The following PAPOLA variants were observed in gnomAD, a reference collection of about 807,000 sequenced individuals.
PAPOLA encodes the protein poly(A) polymerase alpha, also known as polynucleotide adenylyltransferase alpha.
PAPOLA carries 15 observed loss-of-function variants against 100.6 expected under a neutral mutation model. The observed-to-expected ratio is 0.15, with a 90% CI of 0.10 to 0.23. PAPOLA has a LOEUF of 0.23. Among genes scored for constraint, PAPOLA ranks in the 10% least tolerant of loss-of-function variants. The pLI is 1.00. For synonymous variants in PAPOLA, 293 were observed against 300.0 expected (o/e 0.98, Z 0.24); for missense variants, 533 against 884.2 (o/e 0.60, Z 5.04).
intron 1 of PAPOLA, among the ~76,000 whole-genome samples, chr14:96,519,660 G>A (rs1011930605): frequency 6.6e-6 from 1 of 152,160 alleles, no homozygotes; most frequent in African/African-American, 2.4e-5. Context: ...TTCATTGTAA[G>A]CCAGATGCCA....
At chr14:96,559,227 A>G (rs1190816803) in intron 19 of PAPOLA, among the ~76,000 whole-genome samples, 1 of 152,024 alleles carries the variant, frequency 6.6e-6, no homozygotes, top group Non-Finnish European at 1.5e-5. Context: ...ATTAGAACCC[A>G]GGCCTAAATC....
At chr14:96,557,788 A>G (rs1901483410) in intron 19 of PAPOLA, among the ~76,000 whole-genome samples, 2 of 151,342 alleles carry the variant, frequency 1.3e-5, no homozygotes, top group Non-Finnish European at 2.9e-5. Context: ...ACTAAAAGTA[A>G]TCTGATGAAT....
chr14:96,540,674 G>A (rs958958526), intron 12 of PAPOLA, among the ~76,000 whole-genome samples: 1 of 152,154 alleles, frequency 6.6e-6, no homozygotes, highest in Non-Finnish European at 1.5e-5. Context: ...GTATTGGTTT[G>A]TAGGAGTTTG....
chr14:96,531,802 T>C (rs1386715254), intron 7 of PAPOLA: 93 of 1,436,964 alleles, frequency 6.5e-5, no homozygotes, highest in Non-Finnish European at 7.5e-5. Flanking sequence ...TCATTAATGG[T>C]ATACTCAGGA....
intron 7 of PAPOLA, chr14:96,531,968 G>T: frequency 8.0e-7 from 1 of 1,253,208 alleles, no homozygotes. Flanking sequence ...TATTAGCATA[G>T]CTTGTTACTG....
chr14:96,527,346 T>A (rs932396887), intron 4 of PAPOLA, 84 bp from the exon 5 acceptor site: 72 of 809,922 alleles, frequency 8.9e-5, no homozygotes, highest in Non-Finnish European at 1.3e-4. Context: ...AAACAGATTC[T>A]CAACATCAAA....
chr14:96,556,115 T>C (rs1901299696), intron 18 of PAPOLA, 60 bp from the exon 19 acceptor site: 1 of 1,391,146 alleles, frequency 7.2e-7, no homozygotes, highest in East Asian at 2.3e-5. Context: ...AACAAAAACT[T>C]ACAACTTGAT....
At chr14:96,508,033 G>A (rs1345699446) in intron 1 of PAPOLA, among the ~76,000 whole-genome samples, 2 of 152,102 alleles carry the variant, frequency 1.3e-5, no homozygotes, top group African/African-American at 2.4e-5. Context: ...GTGCCACCAC[G>A]TCCAGCTAAT....
intron 1 of PAPOLA, among the ~76,000 whole-genome samples, chr14:96,511,607 C>T (rs944867027): frequency 2.6e-5 from 4 of 152,126 alleles, no homozygotes; most frequent in South Asian, 4.1e-4. Context: ...TTCTACTTTG[C>T]ACTTGTTGTT....
At chr14:96,528,916 A>G (rs1898742895) in intron 6 of PAPOLA, among the ~76,000 whole-genome samples, 1 of 152,180 alleles carries the variant, frequency 6.6e-6, no homozygotes, top group Non-Finnish European at 1.5e-5. Flanking sequence ...TCAGTGTTTT[A>G]AGTAAACGTA....
chr14:96,517,058 C>T (rs1897525187), intron 1 of PAPOLA, among the ~76,000 whole-genome samples: 1 of 151,942 alleles, frequency 6.6e-6, no homozygotes, highest in Admixed American at 6.6e-5. Flanking sequence ...TGCAGAGAAA[C>T]ATATTACTCG....
At chr14:96,545,095 A>G (rs949441512) in intron 15 of PAPOLA, among the ~76,000 whole-genome samples, 5 of 152,074 alleles carry the variant, frequency 3.3e-5, no homozygotes, top group African/African-American at 1.2e-4. Context: ...TTCTCTCCCC[A>G]TTTAAAACAA....
chr14:96,527,419 AT>A lies in PAPOLA; in HGVS notation c.332-3del, dbSNP rs769620397. 213 of 1,568,344 alleles carry A rather than the reference AT, an allele frequency of 1.4e-4. No homozygotes were observed. The highest frequency in any genetic ancestry group is 1.7e-4 in the Middle Eastern group (1 of 5,960). On this transcript the variant is annotated splice_polypyrimidine_tract_variant and intron_variant, in intron 4 of 21. Coordinates refer to ENST00000216277, the MANE Select transcript of PAPOLA (RefSeq NM_032632.5). ...TATTAATTAGTGGTTGATGGGCTTA[AT>A]TTTTTTTAGGTGCTGATATTGATGC... is the stretch of plus-strand genomic sequence containing the variant.
intron 3 of PAPOLA, among the ~76,000 whole-genome samples, chr14:96,522,268 T>C (rs1268825465): frequency 6.6e-6 from 1 of 151,824 alleles, no homozygotes; most frequent in East Asian, 1.9e-4. Context: ...ATTACAGGTG[T>C]GTGCCACCAT....
At chr14:96,537,218 G>T (rs1483729882) in intron 12 of PAPOLA, 158 bp downstream of exon 12, 2 of 586,388 alleles carry the variant, frequency 3.4e-6, no homozygotes, top group East Asian at 2.8e-5. Context: ...AGTTTTTTTT[G>T]GTTGAGGTAA....
intron 1 of PAPOLA, among the ~76,000 whole-genome samples, chr14:96,517,571 A>G (rs1897569327): frequency 6.6e-6 from 1 of 151,282 alleles, no homozygotes; most frequent in Non-Finnish European, 1.5e-5. Context: ...AACTGGGGGA[A>G]AAAAAAACCT....
chr14:96,540,170 T>G (rs959042699), intron 12 of PAPOLA, among the ~76,000 whole-genome samples: 6 of 152,188 alleles, frequency 3.9e-5, no homozygotes, highest in African/African-American at 1.4e-4. Flanking sequence ...TGTTTTCCCT[T>G]TATAAATAAA....
At chr14:96,534,242 A>G (rs1899323894) in intron 9 of PAPOLA, 1 of 1,315,112 alleles carries the variant, frequency 7.6e-7, no homozygotes, top group South Asian at 2.2e-5. Flanking sequence ...AGTCCTTTAA[A>G]GTTCTTTGAG....
At position 96,521,052 on chromosome 14, in the gene PAPOLA, C is replaced by G; in HGVS notation, c.229C>G (p.Arg77Gly). ...KLNNLVKEWI[R>G]EISESKNLPQ... ...AAATAACCTGGTAAAAGAGTGGATA[C>G]GAGAAATCAGTGAAAGCAAGGTAAG... Residue 77 changes from arginine to glycine, a missense_variant, in exon 3 of 22, where the codon CGA becomes GGA. Coordinates refer to ENST00000216277, the MANE Select transcript of PAPOLA (RefSeq NM_032632.5). The G allele has an allele frequency of 6.4e-7, 1 of 1,560,014 alleles. No individual in the cohort carries two copies. The highest frequency in any genetic ancestry group is 1.1e-5 in the South Asian group (1 of 89,184).
Sources: allele counts gnomAD v4.1 joint callset (sites outside exome capture counted in the v4.1 genomes callset), GRCh38; gene constraint gnomAD v4.1.1; transcripts MANE v1.5; gene names NCBI Gene and HGNC (gene_info 2026-07-23, HGNC 2026-07-21).